BAZ1A: variants seen among roughly 807,000 people sequenced by gnomAD.
BAZ1A encodes bromodomain adjacent to zinc finger domain 1A, also known as bromodomain adjacent to zinc finger domain protein 1A.
A neutral mutation model predicts 185.2 loss-of-function variants in BAZ1A; 50 were observed. That is an observed-to-expected ratio of 0.27 (90% CI 0.22 to 0.34). BAZ1A has a LOEUF of 0.34. Among genes scored for constraint, BAZ1A ranks in the 10% least tolerant of loss-of-function variants. The pLI is 1.00. For missense variants in BAZ1A, 1,356 were observed against 1,839.9 expected (o/e 0.74, Z 4.81); for synonymous variants, 571 against 615.6 (o/e 0.93, Z 1.07).
chr14:34,825,016 G>C (rs2042145204), intron 4 of BAZ1A, among the ~76,000 whole-genome samples: 4 of 152,156 alleles, frequency 2.6e-5, no homozygotes, highest in Admixed American at 2.6e-4. Context: ...TAAATTCCTA[G>C]CTACATGTTT....
At chr14:34,797,002 C>T (rs946226294) in intron 9 of BAZ1A, among the ~76,000 whole-genome samples, 46 of 152,164 alleles carry the variant, frequency 3.0e-4, no homozygotes, top group African/African-American at 1.1e-3. Context: ...TTGATTTATT[C>T]TACTTCTACA....
At position 34,758,851 on chromosome 14, in the gene BAZ1A, G is replaced by A; in HGVS notation, c.4244-5C>T. The A allele has an allele frequency of 6.2e-7, 1 of 1,612,406 alleles. No individual in the cohort carries two copies. Among genetic ancestry groups the A allele is most frequent in the Non-Finnish European group, 8.5e-7 (1 of 1,179,608 alleles). On this transcript the variant is annotated splice_polypyrimidine_tract_variant and splice_region_variant and intron_variant, in intron 24 of 26. Transcript: ENST00000360310. ...CCAGTGTCACAGGCGATGGCTCTGA[G>A]TAAATAATTACAACATTTTAGGTGA... is the stretch of plus-strand genomic sequence containing the variant.
At chr14:34,785,674 T>G (rs762171636) in intron 14 of BAZ1A, 103 bp downstream of exon 14, 3 of 901,724 alleles carry the variant, frequency 3.3e-6, no homozygotes, top group South Asian at 3.3e-5. Context: ...TTTTTCTCTT[T>G]TAATACTGAT....
intron 3 of BAZ1A, among the ~76,000 whole-genome samples, chr14:34,856,738 AT>A (rs1234069014): frequency 2.6e-5 from 4 of 151,360 alleles, no homozygotes; most frequent in Non-Finnish European, 5.9e-5. Context: ...GGCGCCTGTA[AT>A]CCCAGCTACT....
At chr14:34,778,642 A>G (rs78657356) in intron 17 of BAZ1A, among the ~76,000 whole-genome samples, 23,081 of 152,136 alleles carry the variant, frequency 0.15, 2,000 homozygotes, top group Admixed American at 0.27. Flanking sequence ...TGTATTTTCT[A>G]GGATTTTATT....
intron 2 of BAZ1A, among the ~76,000 whole-genome samples, chr14:34,866,502 A>AAAAAGAAAAAAAAAGAAAG: frequency 1.3e-5 from 1 of 79,538 alleles, no homozygotes; most frequent in Non-Finnish European, 2.8e-5. Context: ...AAAAAAAAAA[A>AAAAAGAAAAAAAAAGAAAG]GAAAAAAGTT....
rs1048084450 is a variant in BAZ1A at position 34,780,101 on chromosome 14, A to G, written c.2236+85T>C. 5.9e-6 allele frequency: 9 copies of G among 1,524,188 alleles called. No homozygotes were observed. In the Admixed American group the frequency reaches 7.8e-5, roughly 13 times the overall value. 94.4% of individuals were successfully genotyped at this position (1,524,188 alleles called of 1,614,324 possible). ...GGAATCACAAATGAAAGCAATCAAT[A>G]TATTTCAGAGGAGCTGAATTAATAA... On this transcript the variant is annotated intron_variant, in intron 17 of 26. Transcript: ENST00000360310.
chr14:34,772,888 C>T (rs1464277451), intron 20 of BAZ1A, among the ~76,000 whole-genome samples: 1 of 152,132 alleles, frequency 6.6e-6, no homozygotes, highest in Non-Finnish European at 1.5e-5. Flanking sequence ...ATTAGCTGGG[C>T]GTGTTGGCAC....
rs2043013947 is a variant in BAZ1A, at chr14:34,874,690, C to T, written c.-58-28G>A. The T allele has an allele frequency of 8.2e-7, 1 of 1,216,844 alleles. No homozygotes were observed. The highest frequency in any genetic ancestry group is 2.3e-5 in the Admixed American group (1 of 42,918). 75.4% of individuals were successfully genotyped at this position (1,216,844 alleles called of 1,614,324 possible). On this transcript the variant is annotated intron_variant, in intron 1 of 26. Coordinates refer to ENST00000360310, the MANE Select transcript of BAZ1A (RefSeq NM_013448.3). This position sits in a 1 kb window ranked among gnomAD's most constrained non-coding sequence, Gnocchi z 4.7. ...ATCAAAATTGGAGGGAAAGGAAAGC[C>T]GGTAAGGTGGGGAGCCCTCGGCGGC...
At chr14:34,796,321 T>G (rs1215515694) in intron 9 of BAZ1A, among the ~76,000 whole-genome samples, 1 of 152,206 alleles carries the variant, frequency 6.6e-6, no homozygotes, top group African/African-American at 2.4e-5. Context: ...CACTCCCGCC[T>G]GGGCAGCTCT....
rs112881728 is a variant in BAZ1A, at chr14:34,840,764, AAAACAAAC to A, written c.393-14616_393-14609del. Among the ~76,000 whole-genome samples, 630 of 149,088 alleles carry A rather than the reference AAAACAAAC, an allele frequency of 4.2e-3. 1 individual carries two copies. Among genetic ancestry groups the A allele is most frequent in the Non-Finnish European group, 5.4e-3 (365 of 67,360 alleles). ...AGAGTGAGACTCTGTCTCCCCCCCA[AAAACAAAC>A]AAACAAACAAACAAACAAACAAACA... On this transcript the variant is annotated intron_variant, in intron 3 of 26. Coordinates refer to ENST00000360310, the MANE Select transcript of BAZ1A (RefSeq NM_013448.3).
At chr14:34,783,555 C>T (rs1196900451) in intron 15 of BAZ1A, among the ~76,000 whole-genome samples, 4 of 152,090 alleles carry the variant, frequency 2.6e-5, no homozygotes, top group South Asian at 4.2e-4. Context: ...AGGCTAGTCT[C>T]GAACTCCTGA....
chr14:34,858,338 A>G (rs1473320056), intron 3 of BAZ1A, among the ~76,000 whole-genome samples: 1 of 152,028 alleles, frequency 6.6e-6, no homozygotes. Context: ...GTTCACTGCA[A>G]CTTCCACCTC....
At chr14:34,849,483 C>G (rs535002717) in intron 3 of BAZ1A, among the ~76,000 whole-genome samples, 20 of 151,996 alleles carry the variant, frequency 1.3e-4, no homozygotes, top group Non-Finnish European at 2.8e-4. Context: ...GAACTCCAGG[C>G]TTTCATCTTT....
At chr14:34,803,558 A>G (rs1326442512) in intron 6 of BAZ1A, among the ~76,000 whole-genome samples, 1 of 152,164 alleles carries the variant, frequency 6.6e-6, no homozygotes, top group African/African-American at 2.4e-5. Flanking sequence ...ATGGTTGTAC[A>G]GTTTCTTGTA....
In BAZ1A at chr14:34,862,104, T is replaced by A. The variant is rs753713536; in HGVS notation, c.332A>T (p.Tyr111Phe). Residue 111 changes from tyrosine (Y) to phenylalanine (F), a missense_variant, in exon 3 of 27, where the codon TAT becomes TTT. By Grantham distance (22) the Tyr-to-Phe change is conservative. Transcript: ENST00000360310. ...TTCGACAAAATATCGATCCTTGACATATGCAAAGATATCATCACAAATTTC... is the reference window on the plus strand; with the variant it reads ...TTCGACAAAATATCGATCCTTGACAAATGCAAAGATATCATCACAAATTTC... ...LHEICDDIFA[Y>F]VKDRYFVEET... 6.2e-7 allele frequency: 1 copy of A among 1,614,198 alleles called. No homozygotes were observed. Among genetic ancestry groups the A allele is most frequent in the South Asian group, 1.1e-5 (1 of 91,084 alleles).
intron 3 of BAZ1A, among the ~76,000 whole-genome samples, chr14:34,845,779 T>C (rs985714960): frequency 1.3e-5 from 2 of 150,086 alleles, no homozygotes; most frequent in African/African-American, 2.5e-5. Context: ...GAGAATCACT[T>C]GAACCCAGGA....
chr14:34,785,675 T>C, intron 14 of BAZ1A, 102 bp downstream of exon 14: 1 of 906,462 alleles, frequency 1.1e-6, no homozygotes, highest in Non-Finnish European at 1.7e-6. Flanking sequence ...TTTTCTCTTT[T>C]AATACTGATT....
Position 34,769,681 on chromosome 14 carries a change from A to C in BAZ1A, c.3301+1830T>G, listed in dbSNP as rs112674945. On this transcript the variant is annotated intron_variant, in intron 21 of 26. Coordinates refer to ENST00000360310, the MANE Select transcript of BAZ1A (RefSeq NM_013448.3). ...GGGAAAATAAGCAATATTGTGTCTT[A>C]TCCTTTTACTCTTTTGGAATCACAG... Among the ~76,000 whole-genome samples the C allele has an allele frequency of 7.3e-3, 1,107 of 152,342 alleles. 14 individuals carry two copies. The highest frequency in any genetic ancestry group is 0.025 in the African/African-American group (1,040 of 41,594).
Sources: gnomAD v4.1 joint callset for allele counts (sites outside exome capture counted in the v4.1 genomes callset) on GRCh38, gnomAD v4.1.1 for gene constraint, Gnocchi (gnomAD v3.1) non-coding constraint, MANE v1.5 for transcripts, NCBI Gene and HGNC (gene_info 2026-07-23, HGNC 2026-07-21) for gene names.